Variants in ESRRG observed in about 807,000 individuals in gnomAD.
ESRRG encodes the protein estrogen related receptor gamma.
Under a neutral mutation model 44.0 loss-of-function variants are expected in ESRRG, and 13 were observed. That is an observed-to-expected ratio of 0.30 (90% CI 0.19 to 0.47). The LOEUF is 0.47. Ranked by LOEUF, ESRRG falls within the 20% of genes least tolerant of loss-of-function variation. The pLI, the probability that ESRRG is intolerant of heterozygous loss-of-function variation, is 1.00. For synonymous variants in ESRRG, 215 were observed against 214.6 expected (o/e 1.00, Z -0.02); for missense variants, 395 against 580.6 (o/e 0.68, Z 3.29).
In ESRRG at chr1:216,666,811, G is replaced by T. The variant is rs539380696; in HGVS notation, c.472+10265C>A. 2.0e-5 allele frequency among the ~76,000 whole-genome samples: 3 copies of T among 152,256 alleles called. No individual in the cohort carries two copies. In the South Asian group the frequency reaches 6.2e-4, roughly 32 times the overall value. On this transcript the variant is annotated intron_variant, in intron 2 of 6. Coordinates refer to ENST00000408911, the MANE Select transcript of ESRRG (RefSeq NM_001438.4). ...ATTTTTATAAGAATTAATTGGAAGT[G>T]ATCTGTGAAGTCCCTTAGACTGGAA...
chr1:216,999,786 G>A (rs2076797029), intron 1 of ESRRG, among the ~76,000 whole-genome samples: 1 of 152,166 alleles, frequency 6.6e-6, no homozygotes, highest in Admixed American at 6.5e-5. Context: ...ATCTCAGATT[G>A]ATTCTGAGAT....
chr1:217,074,581 T>C (rs1022718913), intron 1 of ESRRG, among the ~76,000 whole-genome samples: 2 of 152,084 alleles, frequency 1.3e-5, no homozygotes, highest in Non-Finnish European at 2.9e-5. Flanking sequence ...CTCATGCCTG[T>C]AATCCTAGCA....
intron 2 of ESRRG, among the ~76,000 whole-genome samples, chr1:216,761,175 T>G (rs12126811): frequency 1.4e-5 from 2 of 147,656 alleles, no homozygotes; most frequent in Non-Finnish European, 3.0e-5. Flanking sequence ...AAAAAAAAAA[T>G]TTTCTTGTTC....
intron 2 of ESRRG, among the ~76,000 whole-genome samples, chr1:216,929,526 C>A (rs2063046469): frequency 6.6e-6 from 1 of 152,066 alleles, no homozygotes; most frequent in Non-Finnish European, 1.5e-5. Context: ...TGTTTTTAAG[C>A]TGAGACCTGG....
At chr1:216,522,016 A>C (rs2046230148) in intron 5 of ESRRG, among the ~76,000 whole-genome samples, 1 of 152,134 alleles carries the variant, frequency 6.6e-6, no homozygotes, top group South Asian at 2.1e-4. Context: ...GTGATTTACA[A>C]ATTAACAATG....
chr1:216,681,745 G>T (rs538323654), intron 1 of ESRRG, among the ~76,000 whole-genome samples: 22 of 148,920 alleles, frequency 1.5e-4, no homozygotes, highest in Middle Eastern at 3.4e-3. Context: ...GTTAATTAAT[G>T]GTGTGTATAT....
At chr1:216,758,937 G>T (rs926274863) in intron 2 of ESRRG, among the ~76,000 whole-genome samples, 6 of 151,720 alleles carry the variant, frequency 4.0e-5, no homozygotes, top group Non-Finnish European at 7.4e-5. Flanking sequence ...CCCTAAGAAG[G>T]TATTATTATC....
chr1:216,918,884 T>TAA (rs1484452800), intron 2 of ESRRG, among the ~76,000 whole-genome samples: 4 of 148,952 alleles, frequency 2.7e-5, no homozygotes, highest in Admixed American at 6.7e-5. Context: ...TATATATATA[T>TAA]AATCAGATAA....
intron 3 of ESRRG, among the ~76,000 whole-genome samples, chr1:216,569,202 G>GAAAGGAAAGGAAAGC (rs2060309265): frequency 8.6e-6 from 1 of 116,314 alleles, no homozygotes; most frequent in African/African-American, 3.4e-5. Flanking sequence ...GAAAGGAAAG[G>GAAAGGAAAGGAAAGC]AAAGGAAAGG....
intron 3 of ESRRG, among the ~76,000 whole-genome samples, chr1:216,621,229 A>G (rs927620211): frequency 2.0e-5 from 3 of 152,212 alleles, no homozygotes; most frequent in Non-Finnish European, 2.9e-5. Flanking sequence ...TCAGTTTATT[A>G]TCCAATTTAA....
At chr1:216,873,959 AGAGGG>A (rs1317037870) in intron 2 of ESRRG, among the ~76,000 whole-genome samples, 1 of 53,290 alleles carries the variant, frequency 1.9e-5, no homozygotes, top group African/African-American at 7.1e-5. Flanking sequence ...GAGTGGGGGA[AGAGGG>A]GAGGGGAGGG....
intron 1 of ESRRG, among the ~76,000 whole-genome samples, chr1:216,949,700 C>T (rs1408454019): frequency 6.6e-6 from 1 of 152,102 alleles, no homozygotes; most frequent in East Asian, 1.9e-4. Flanking sequence ...TCTCTGTCAT[C>T]TTCTACAACA....
intron 2 of ESRRG, among the ~76,000 whole-genome samples, chr1:216,816,457 C>A (rs1355055033): frequency 1.3e-5 from 2 of 152,168 alleles, no homozygotes; most frequent in Non-Finnish European, 2.9e-5. Context: ...TCTTCACATT[C>A]CATGATGTTG....
intron 1 of ESRRG, among the ~76,000 whole-genome samples, chr1:217,082,069 C>G (rs2091805437): frequency 6.6e-6 from 1 of 152,222 alleles, no homozygotes; most frequent in Non-Finnish European, 1.5e-5. Context: ...TCACTACCAT[C>G]TTCTATGTCC....
chr1:216,938,919 T>G (rs1045039929), intron 2 of ESRRG, among the ~76,000 whole-genome samples: 3 of 152,210 alleles, frequency 2.0e-5, no homozygotes, highest in Non-Finnish European at 2.9e-5. Context: ...AATTCATGGA[T>G]GCAAGTGAAG....
intron 2 of ESRRG, among the ~76,000 whole-genome samples, chr1:216,787,599 CAAAAAAAAAAAA>C (rs34433548): frequency 1.3e-5 from 1 of 76,440 alleles, no homozygotes. Flanking sequence ...AAGACTCCAT[CAAAAAAAAAAAA>C]AAAAAAAAAA....
In ESRRG at chr1:216,765,186, G is replaced by A. The variant is rs867728909; in HGVS notation, c.-13-87695C>T. 3.0e-4 allele frequency among the ~76,000 whole-genome samples: 46 copies of A among 152,228 alleles called. No individual in the cohort carries two copies. The Middle Eastern group carries it at 0.034, about 113-fold the overall frequency. On this transcript the variant is annotated intron_variant, in intron 2 of 7. Coordinates refer to the ESRRG transcript ENST00000359162. ...GGAGATTGTCCTGGAGGGGCAGGTG[G>A]AAGATGTCTGGCCTGGAAGAGAAGG...
chr1:217,082,353 C>G (rs1379250928), intron 1 of ESRRG, among the ~76,000 whole-genome samples: 1 of 152,176 alleles, frequency 6.6e-6, no homozygotes, highest in East Asian at 1.9e-4. Context: ...CTTTTATAGC[C>G]AAGAGTCTGA....
At chr1:216,517,369 C>T (rs529867975) in intron 6 of ESRRG, among the ~76,000 whole-genome samples, 2 of 152,186 alleles carry the variant, frequency 1.3e-5, no homozygotes, top group East Asian at 1.9e-4. Flanking sequence ...GACAGAAATG[C>T]TGCTACTAAT....
Sources: gnomAD v4.1 joint callset for allele counts (sites outside exome capture counted in the v4.1 genomes callset) on GRCh38, gnomAD v4.1.1 for gene constraint, MANE v1.5 for transcripts, NCBI Gene and HGNC (gene_info 2026-07-23, HGNC 2026-07-21) for gene names.